PDE10A: variants seen among roughly 807,000 people sequenced by gnomAD.
PDE10A encodes phosphodiesterase 10A.
Under a neutral mutation model 97.7 loss-of-function variants are expected in PDE10A, and 39 were observed. The ratio of observed to expected loss-of-function variants is 0.40; its 90% CI spans 0.31 to 0.52. The LOEUF is 0.52. Among genes scored for constraint, PDE10A ranks in the 20% least tolerant of loss-of-function variants. The pLI, the probability that PDE10A is intolerant of heterozygous loss-of-function variation, is 0.56. For synonymous variants in PDE10A, 371 were observed against 376.8 expected, an observed-to-expected ratio of 0.98 and a Z score of 0.18; for missense variants, 731 against 1,047.8, an observed-to-expected ratio of 0.70 and a Z score of 4.17.
chr6:165,961,962 T>C (rs1311333347), intron 1 of PDE10A, among the ~76,000 whole-genome samples: 1 of 152,168 alleles, frequency 6.6e-6, no homozygotes, highest in Non-Finnish European at 1.5e-5. Context: ...TATTTGCCAA[T>C]CCCTACCTAG....
chr6:165,828,993 T>C (rs1283738451), intron 1 of PDE10A, among the ~76,000 whole-genome samples: 1 of 152,250 alleles, frequency 6.6e-6, no homozygotes, highest in Non-Finnish European at 1.5e-5. Flanking sequence ...AGATCCTGCC[T>C]CCATTCCACT....
At chr6:165,870,920 T>C (rs1781188829) in intron 1 of PDE10A, among the ~76,000 whole-genome samples, 1 of 152,152 alleles carries the variant, frequency 6.6e-6, no homozygotes, top group African/African-American at 2.4e-5. Flanking sequence ...AGATACACAG[T>C]AGAATGATTG....
In PDE10A at chr6:165,418,819, T is replaced by C; in HGVS notation, c.1654-42A>G. 6.5e-7 allele frequency: 1 copy of C among 1,543,040 alleles called. No individual in the cohort carries two copies. On this transcript the variant is annotated intron_variant, in intron 10 of 21. Transcript: ENST00000539869. This position sits in a 1 kb window ranked among gnomAD's most constrained non-coding sequence, Gnocchi z 4.8. Reference sequence around the variant, plus strand: ...AAATAAGAGGAAGACAATGAGACATTCAAAGAACTTGCAGGTAAACTTTAT... The same window carrying C: ...AAATAAGAGGAAGACAATGAGACATCCAAAGAACTTGCAGGTAAACTTTAT...
chr6:165,451,763 C>G (rs566880718), intron 3 of PDE10A, among the ~76,000 whole-genome samples: 67 of 152,326 alleles, frequency 4.4e-4, no homozygotes, highest in African/African-American at 1.6e-3. Flanking sequence ...AGGCTCTCTT[C>G]TAGTCATCAG....
At chr6:165,556,840 T>TA (rs906929316) in intron 1 of PDE10A, among the ~76,000 whole-genome samples, 61 of 145,544 alleles carry the variant, frequency 4.2e-4, no homozygotes, top group African/African-American at 8.8e-4. Context: ...AAATCTTAAA[T>TA]AAAAAAAAAA....
chr6:165,893,742 A>G (rs188574166), intron 1 of PDE10A, among the ~76,000 whole-genome samples: 86 of 152,266 alleles, frequency 5.6e-4, no homozygotes, highest in Non-Finnish European at 3.4e-4. Context: ...GCAGGAGTTC[A>G]ATAAAGGTTT....
rs1029710779 is a variant in PDE10A, at chr6:165,655,770, T to C, written c.865+6177A>G. 6.6e-6 allele frequency among the ~76,000 whole-genome samples: 1 copy of C among 152,102 alleles called. No individual in the cohort carries two copies. The highest frequency in any genetic ancestry group is 2.4e-5 in the African/African-American group (1 of 41,418). On this transcript the variant is annotated intron_variant, in intron 1 of 21. Coordinates refer to ENST00000539869, the MANE Select transcript of PDE10A (RefSeq NM_001385079.1). The surrounding 1 kb of genome is among the most constrained non-coding windows in gnomAD (Gnocchi z 4.5). ...GCCTCTGCTTTCATGCGGAGTAAAC[T>C]GCAGTTTTTTCCTCTGACTGACAAA...
chr6:165,573,330 A>G (rs1235495404), intron 1 of PDE10A, among the ~76,000 whole-genome samples: 1 of 149,436 alleles, frequency 6.7e-6, no homozygotes, highest in East Asian at 2.0e-4. Flanking sequence ...GCATTAGTAG[A>G]TTACTACTAG....
At chr6:165,660,553 C>G (rs533531843) in intron 1 of PDE10A, 1 of 152,476 alleles carries the variant, frequency 6.6e-6, no homozygotes, top group Non-Finnish European at 1.5e-5. Context: ...GATCCCGGCG[C>G]GAATACGCTC....
At chr6:165,690,872 A>T (rs892990943) in intron 1 of PDE10A, among the ~76,000 whole-genome samples, 1 of 152,102 alleles carries the variant, frequency 6.6e-6, no homozygotes, top group African/African-American at 2.4e-5. Context: ...TGGAGAGACT[A>T]ATATTTGACT....
chr6:165,550,417 C>A (rs1050541056), intron 1 of PDE10A, among the ~76,000 whole-genome samples: 7 of 152,124 alleles, frequency 4.6e-5, no homozygotes, highest in African/African-American at 1.4e-4. Context: ...AGTGTCAGTC[C>A]AACTGTAAGA....
At chr6:165,410,324 C>T (rs1289110052) in intron 13 of PDE10A, among the ~76,000 whole-genome samples, 1 of 152,036 alleles carries the variant, frequency 6.6e-6, no homozygotes, top group Non-Finnish European at 1.5e-5. Flanking sequence ...CATCTTAGCT[C>T]AGGTAGAATT....
At chr6:165,975,106 C>T (rs187649350) in intron 1 of PDE10A, among the ~76,000 whole-genome samples, 80 of 152,344 alleles carry the variant, frequency 5.3e-4, no homozygotes, top group African/African-American at 1.9e-3. Context: ...TTTCTGTACA[C>T]TCCTCTGCTG....
At chr6:165,437,163 TTTTTGCGGGGGGTGTGG>T (rs956293813) in intron 5 of PDE10A, among the ~76,000 whole-genome samples, 1 of 152,174 alleles carries the variant, frequency 6.6e-6, no homozygotes, top group African/African-American at 2.4e-5. Context: ...AACTCTGTAT[TTTTTGCGGGGGGTGTGG>T]AGGGAGTCAT....
At chr6:165,672,757 C>T (rs9364808) in intron 1 of PDE10A, among the ~76,000 whole-genome samples, 139,831 of 152,258 alleles carry the variant, frequency 0.92, 64,238 homozygotes, top group East Asian at 0.98. Flanking sequence ...GTCCATTAAA[C>T]CTCTTCTTTT....
rs538941378 is a variant in PDE10A, at chr6:165,368,879, A to G, written c.2783+10315T>C. Among the ~76,000 whole-genome samples, 302 of 152,260 alleles carry G rather than the reference A, an allele frequency of 2.0e-3. 2 individuals carry two copies. The highest frequency in any genetic ancestry group is 6.5e-3 in the African/African-American group (270 of 41,550). ...ACGGCCCGGTACTCCTCTGAGACAAAACTTCCAGAGGAACGATCAGACAGC... is the reference window on the plus strand; with the variant it reads ...ACGGCCCGGTACTCCTCTGAGACAAGACTTCCAGAGGAACGATCAGACAGC... On this transcript the variant is annotated intron_variant, in intron 18 of 21. Transcript: ENST00000539869.
chr6:165,429,224 T>C (rs1583267996), intron 9 of PDE10A, among the ~76,000 whole-genome samples: 1 of 152,208 alleles, frequency 6.6e-6, no homozygotes, highest in East Asian at 1.9e-4. Context: ...ATCTAATGAC[T>C]TTATATGAGT....
intron 1 of PDE10A, among the ~76,000 whole-genome samples, chr6:165,543,896 C>T (rs952511061): frequency 6.7e-6 from 1 of 149,664 alleles, no homozygotes; most frequent in South Asian, 2.1e-4. Context: ...GTGTGTATGA[C>T]CACAATAAAA....
Position 165,889,659 on chromosome 6 carries a change from C to T in PDE10A, c.-615+97870G>A, listed in dbSNP as rs369137280. Among the ~76,000 whole-genome samples the T allele has an allele frequency of 3.9e-5, 6 of 152,278 alleles. No individual in the cohort carries two copies. The South Asian group carries it at 1.2e-3, about 32-fold the overall frequency. ...TTCTTGGCAGCAAAAAAATACCAATCTCAGAAATCCTCCTTCTGTTTCCCC... is the reference window on the plus strand; with the variant it reads ...TTCTTGGCAGCAAAAAAATACCAATTTCAGAAATCCTCCTTCTGTTTCCCC... On this transcript the variant is annotated intron_variant, in intron 1 of 19. Coordinates refer to the PDE10A transcript ENST00000366882.
Sources: allele counts gnomAD v4.1 joint callset (sites outside exome capture counted in the v4.1 genomes callset), GRCh38; gene constraint gnomAD v4.1.1; non-coding constraint Gnocchi (gnomAD v3.1); transcripts MANE v1.5; gene names NCBI Gene and HGNC (gene_info 2026-07-23, HGNC 2026-07-21).